The following SCN8A variants were observed in gnomAD, a reference collection of about 807,000 sequenced individuals.
SCN8A encodes the protein sodium channel protein type 8 subunit alpha.
A neutral mutation model predicts 184.1 loss-of-function variants in SCN8A; 30 were observed. That is an observed-to-expected ratio of 0.16 (90% CI 0.12 to 0.22). The LOEUF (loss-of-function observed/expected upper bound fraction) is 0.22, where lower values mean the gene tolerates loss of function less well. SCN8A is among the 10% of genes least tolerant of loss of function. The pLI, the probability that SCN8A is intolerant of heterozygous loss-of-function variation, is 1.00. For missense variants in SCN8A, 1,057 were observed against 2,498.9 expected (o/e 0.42, Z 12.30); for synonymous variants, 852 against 907.0 (o/e 0.94, Z 1.09).
rs555264397 is a variant in SCN8A, at chr12:51,739,211, A to G, written c.1999-6692A>G. Among the ~76,000 whole-genome samples the G allele has an allele frequency of 2.6e-4, 39 of 152,268 alleles. No individual in the cohort carries two copies. In the Middle Eastern group the frequency reaches 0.014, roughly 53 times the overall value. On this transcript the variant is annotated intron_variant, in intron 12 of 26. Coordinates refer to ENST00000627620, the MANE Select transcript of SCN8A (RefSeq NM_001330260.2). ...AGTAATTTAAAAGGAAAAGGCTCAA[A>G]TGTAGCTGTAATATTTCCCTGTTGA...
intron 1 of SCN8A, among the ~76,000 whole-genome samples, chr12:51,655,240 G>C (rs1186197812): frequency 6.6e-6 from 1 of 152,086 alleles, no homozygotes; most frequent in Non-Finnish European, 1.5e-5. Flanking sequence ...GCCCCTCCTA[G>C]ATGACTTCTC....
rs555664008 is a variant in SCN8A, at chr12:51,699,481, A to G, written c.707-89A>G. The G allele has an allele frequency of 1.8e-5, 15 of 850,404 alleles. No individual in the cohort carries two copies. In the Admixed American group the frequency reaches 2.1e-4, roughly 12 times the overall value. 52.7% of individuals were successfully genotyped at this position (850,404 alleles called of 1,614,324 possible). On this transcript the variant is annotated intron_variant, in intron 6 of 26. Coordinates refer to ENST00000627620, the MANE Select transcript of SCN8A (RefSeq NM_001330260.2). Reference sequence around the variant, plus strand: ...ATATTTCAAGAGTGGTGCTGTGGGGAGGAGTAGCAGCCAGTGGCTAAGAGG... The same window carrying G: ...ATATTTCAAGAGTGGTGCTGTGGGGGGGAGTAGCAGCCAGTGGCTAAGAGG...
At chr12:51,651,857 A>G (rs569151420) in intron 1 of SCN8A, among the ~76,000 whole-genome samples, 1 of 152,236 alleles carries the variant, frequency 6.6e-6, no homozygotes, top group Non-Finnish European at 1.5e-5. Context: ...TCTCCAGGGA[A>G]GAAAGAAGCA....
At chr12:51,657,656 CTG>C (rs1333606377) in intron 1 of SCN8A, among the ~76,000 whole-genome samples, 2 of 151,906 alleles carry the variant, frequency 1.3e-5, no homozygotes, top group African/African-American at 4.8e-5. Context: ...CTATTTTTGC[CTG>C]TGTTTCCTGT....
intron 1 of SCN8A, among the ~76,000 whole-genome samples, chr12:51,644,782 G>A (rs1029727023): frequency 2.0e-5 from 3 of 151,826 alleles, no homozygotes; most frequent in Non-Finnish European, 2.9e-5. Flanking sequence ...TCCCATCTAG[G>A]AAGTGAGGAG....
chr12:51,733,023 T>C (rs1353876585), intron 12 of SCN8A, among the ~76,000 whole-genome samples: 6 of 152,180 alleles, frequency 3.9e-5, no homozygotes, highest in Non-Finnish European at 8.8e-5. Flanking sequence ...GACTTCTTCC[T>C]TTCCGATTTG....
chr12:51,766,362 T>G (rs1942838293), intron 16 of SCN8A: 1 of 349,470 alleles, frequency 2.9e-6, no homozygotes, highest in Non-Finnish European at 5.3e-6. Flanking sequence ...ACAGAAGCCT[T>G]CCTTTTTCTT....
At chr12:51,629,625 C>T (rs1057097398) in intron 1 of SCN8A, among the ~76,000 whole-genome samples, 3 of 147,568 alleles carry the variant, frequency 2.0e-5, no homozygotes, top group Non-Finnish European at 3.0e-5. Context: ...GTTTAGAGGA[C>T]GTACATAATT....
chr12:51,806,256 A>G lies in SCN8A; in HGVS notation c.4796-26A>G, dbSNP rs199867492. ...AAAGGGTGTCTCCCATCTCAATAACATAACTTCTTCTATTCCTCTTCTTAG... is the reference window on the plus strand; with the variant it reads ...AAAGGGTGTCTCCCATCTCAATAACGTAACTTCTTCTATTCCTCTTCTTAG... On this transcript the variant is annotated intron_variant, in intron 26 of 26. Transcript: ENST00000627620. This position sits in a 1 kb window ranked among gnomAD's most constrained non-coding sequence, Gnocchi z 8.7. 1.4e-5 allele frequency: 21 copies of G among 1,503,120 alleles called. No individual in the cohort carries two copies. The highest frequency in any genetic ancestry group is 2.8e-5 in the African/African-American group (2 of 71,542). 93.1% of individuals were successfully genotyped at this position (1,503,120 alleles called of 1,614,324 possible). A position where few individuals can be genotyped will look rare whatever the true frequency, so the allele number is the denominator to read the frequency against.
At chr12:51,766,564 T>C (rs554393818) in intron 16 of SCN8A, among the ~76,000 whole-genome samples, 2 of 152,190 alleles carry the variant, frequency 1.3e-5, no homozygotes, top group Non-Finnish European at 2.9e-5. Context: ...GGGGGCAAAA[T>C]TGCCCTCCAT....
chr12:51,604,540 T>G (rs892380816), intron 1 of SCN8A, among the ~76,000 whole-genome samples: 4 of 152,128 alleles, frequency 2.6e-5, no homozygotes, highest in African/African-American at 4.8e-5. Context: ...TTTGTTTGGT[T>G]TTCTTTAGAG....
chr12:51,788,770 A>G (rs761572801), intron 23 of SCN8A, 22 bp downstream of exon 23: 3 of 1,603,144 alleles, frequency 1.9e-6, no homozygotes, highest in Non-Finnish European at 2.6e-6. Flanking sequence ...CATGGCGAAA[A>G]TACCACCTTC....
chr12:51,608,679 T>G (rs1220987339), intron 1 of SCN8A, among the ~76,000 whole-genome samples: 1 of 152,202 alleles, frequency 6.6e-6, no homozygotes, highest in African/African-American at 2.4e-5. Context: ...TATTTATCCT[T>G]TGAAAGAACC....
At chr12:51,683,262 A>G (rs922068291) in intron 2 of SCN8A, among the ~76,000 whole-genome samples, 6 of 152,336 alleles carry the variant, frequency 3.9e-5, no homozygotes, top group Non-Finnish European at 8.8e-5. Context: ...TAGATGCTCA[A>G]AAATATTTTA....
intron 1 of SCN8A, among the ~76,000 whole-genome samples, chr12:51,593,046 C>G: frequency 6.6e-6 from 1 of 152,128 alleles, no homozygotes; most frequent in Non-Finnish European, 1.5e-5. Context: ...GGGAATCAGA[C>G]TTAAAATGCT....
intron 19 of SCN8A, among the ~76,000 whole-genome samples, chr12:51,772,891 C>T (rs190509012): frequency 7.2e-5 from 11 of 151,798 alleles, no homozygotes; most frequent in Non-Finnish European, 7.4e-5. Context: ...CTGAGGCGGG[C>T]GAATCACGAG....
At chr12:51,613,100 T>C (rs1939758607) in intron 1 of SCN8A, among the ~76,000 whole-genome samples, 1 of 152,212 alleles carries the variant, frequency 6.6e-6, no homozygotes, top group African/African-American at 2.4e-5. Context: ...TGTTTTTTTC[T>C]TGTCCTGTCT....
chr12:51,765,639 TA>T, intron 15 of SCN8A, 31 bp from the exon 16 acceptor site: 5 of 1,276,170 alleles, frequency 3.9e-6, no homozygotes, highest in Non-Finnish European at 5.2e-6. Flanking sequence ...GAGTATCATT[TA>T]TTTTTTTGTT....
chr12:51,729,404 G>A (rs1002456945), intron 12 of SCN8A, among the ~76,000 whole-genome samples: 6 of 151,948 alleles, frequency 3.9e-5, no homozygotes, highest in African/African-American at 1.5e-4. Context: ...GTTTTCTTTT[G>A]TATGTGTAGA....
Sources: gnomAD v4.1 joint callset for allele counts (sites outside exome capture counted in the v4.1 genomes callset) on GRCh38, gnomAD v4.1.1 for gene constraint, Gnocchi (gnomAD v3.1) non-coding constraint, MANE v1.5 for transcripts, NCBI Gene and HGNC (gene_info 2026-07-23, HGNC 2026-07-21) for gene names.